PCDHA6: variants seen among roughly 807,000 people sequenced by gnomAD.
PCDHA6 encodes the protein protocadherin alpha 6.
In PCDHA6, 55 loss-of-function variants were observed where a neutral mutation model predicts 60.3. The ratio of observed to expected loss-of-function variants is 0.91; its 90% CI spans 0.73 to 1.14. PCDHA6 has a LOEUF of 1.14. Ranked by LOEUF, PCDHA6 falls within the 50% of genes most tolerant of loss-of-function variation. The pLI is 0.00. For synonymous variants in PCDHA6, 652 were observed against 557.9 expected, an observed-to-expected ratio of 1.17 and a Z score of -2.38; for missense variants, 1,327 against 1,256.5, an observed-to-expected ratio of 1.06 and a Z score of -0.85.
At position 140,856,186 on chromosome 5, in the gene PCDHA6, C is replaced by G. The variant is rs1451778566; in HGVS notation, c.2394+25701C>G. 97 of 1,598,138 alleles carry G rather than the reference C, an allele frequency of 6.1e-5. 9 individuals carry two copies. The highest frequency in any genetic ancestry group is 8.0e-5 in the Non-Finnish European group (94 of 1,167,930). Reference sequence around the variant, plus strand: ...CCAGACACGGCACCTTCGTGGGCCGCATCGCGCAGGACCTGGGGCTGGAGC... The same window carrying G: ...CCAGACACGGCACCTTCGTGGGCCGGATCGCGCAGGACCTGGGGCTGGAGC... On this transcript the variant is annotated intron_variant, in intron 1 of 3. Transcript: ENST00000529310.
chr5:140,971,857 T>G (rs1312639660), intron 1 of PCDHA6, among the ~76,000 whole-genome samples: 12 of 152,198 alleles, frequency 7.9e-5, no homozygotes, highest in African/African-American at 2.9e-4. Flanking sequence ...TAAATATTTG[T>G]TAACATCTAG....
intron 1 of PCDHA6, chr5:140,853,042 C>T (rs1417504758): frequency 3.7e-6 from 1 of 269,692 alleles, no homozygotes; most frequent in African/African-American, 2.3e-5. Flanking sequence ...CCATGCCCGC[C>T]TAATTTTTTT....
chr5:140,945,998 A>G (rs246057), intron 1 of PCDHA6, among the ~76,000 whole-genome samples: 85,388 of 151,608 alleles, frequency 0.56, 24,621 homozygotes, highest in African/African-American at 0.69. Context: ...GATTGCATCA[A>G]ACTAAAAAGC....
intron 1 of PCDHA6, chr5:140,841,148 C>G: frequency 1.3e-6 from 1 of 776,052 alleles, no homozygotes. Context: ...CATGATGTCG[C>G]TGTCTACCAA....
At position 140,946,611 on chromosome 5, in the gene PCDHA6, A is replaced by AATATATAT. The variant is rs1554217734; in HGVS notation, c.2395-32324_2395-32317dup. Among the ~76,000 whole-genome samples, 282 of 86,744 alleles carry AATATATAT rather than the reference A, an allele frequency of 3.3e-3. 10 individuals carry two copies. Among genetic ancestry groups the AATATATAT allele is most frequent in the African/African-American group, 0.015 (234 of 15,690 alleles). The allele number at this position is 86,744 out of a possible 152,430, so 56.9% of individuals were successfully genotyped here. A position where few individuals can be genotyped will look rare whatever the true frequency, so the allele number is the denominator to read the frequency against. Reference sequence around the variant, plus strand: ...GGATGAATAGATAAAGAAAATGTGAAATATATATATATATATATATACAAT... The same window carrying AATATATAT: ...GGATGAATAGATAAAGAAAATGTGAAATATATATATATATATATATATATATATACAAT... On this transcript the variant is annotated intron_variant, in intron 1 of 3. Coordinates refer to ENST00000529310, the MANE Select transcript of PCDHA6 (RefSeq NM_018909.4).
intron 1 of PCDHA6, among the ~76,000 whole-genome samples, chr5:140,975,946 A>T (rs989122714): frequency 6.6e-6 from 1 of 152,210 alleles, no homozygotes; most frequent in Non-Finnish European, 1.5e-5. Context: ...AATAGGACAT[A>T]TTAGAGTTCT....
chr5:140,861,631 C>T, intron 1 of PCDHA6: 1 of 315,060 alleles, frequency 3.2e-6, no homozygotes, highest in Non-Finnish European at 6.4e-6. Flanking sequence ...GTGTTCTCAG[C>T]AACACAAAAG....
intron 1 of PCDHA6, among the ~76,000 whole-genome samples, chr5:140,916,329 T>C (rs1554197398): frequency 6.6e-6 from 1 of 152,178 alleles, no homozygotes; most frequent in African/African-American, 2.4e-5. Context: ...TCCCCTTTAC[T>C]TTTTCCTCTG....
At chr5:140,982,679 C>A in intron 3 of PCDHA6, 116 bp downstream of exon 3, 2 of 1,436,546 alleles carry the variant, frequency 1.4e-6, no homozygotes, top group Non-Finnish European at 9.2e-7. Flanking sequence ...TTGTTATTCC[C>A]TTTTTTCCAT....
chr5:140,940,096 T>C (rs2153644801), intron 1 of PCDHA6, among the ~76,000 whole-genome samples: 1 of 152,378 alleles, frequency 6.6e-6, no homozygotes, highest in East Asian at 1.9e-4. Context: ...ATTGAAACTT[T>C]TAGCGTTATG....
chr5:140,995,388 A>G (rs1467282798), intron 3 of PCDHA6, among the ~76,000 whole-genome samples: 1 of 152,208 alleles, frequency 6.6e-6, no homozygotes. Flanking sequence ...GGCAGGATAA[A>G]GCGGGATGGC....
intron 1 of PCDHA6, chr5:140,870,984 G>T (rs1554164960): frequency 3.7e-6 from 6 of 1,613,520 alleles, no homozygotes; most frequent in Non-Finnish European, 8.5e-7. Context: ...GGCTGTACAC[G>T]GGCGAGATAA....
At chr5:140,867,383 G>T in intron 1 of PCDHA6, 1 of 152,136 alleles carries the variant, frequency 6.6e-6, no homozygotes, top group East Asian at 1.9e-4. Flanking sequence ...TGGAATTAAC[G>T]GTTATAAAAG....
chr5:140,840,060 C>A (rs2150302976), intron 1 of PCDHA6, among the ~76,000 whole-genome samples: 9 of 151,898 alleles, frequency 5.9e-5, no homozygotes, highest in Non-Finnish European at 1.3e-4. Flanking sequence ...AATGTCTTGA[C>A]AATTAGTCAA....
intron 1 of PCDHA6, chr5:140,966,883 T>A (rs155364): frequency 0.52 from 832,487 of 1,587,228 alleles, 220,297 homozygotes; most frequent in African/African-American, 0.71. Flanking sequence ...TACCTGGCCC[T>A]GCGGCCTCCC....
chr5:140,976,776 C>T (rs1554237952), intron 1 of PCDHA6, among the ~76,000 whole-genome samples: 1 of 152,184 alleles, frequency 6.6e-6, no homozygotes. Context: ...TAGACTCTGA[C>T]TATATAGCTA....
intron 1 of PCDHA6, among the ~76,000 whole-genome samples, chr5:140,943,822 A>T (rs2093570990): frequency 6.6e-6 from 1 of 152,220 alleles, no homozygotes; most frequent in Non-Finnish European, 1.5e-5. Context: ...GAAGAAAATG[A>T]GTTGATTGAA....
chr5:140,873,589 A>C (rs1562682260), intron 1 of PCDHA6, among the ~76,000 whole-genome samples: 1 of 152,272 alleles, frequency 6.6e-6, no homozygotes, highest in Non-Finnish European at 1.5e-5. Context: ...TATTAAGCTA[A>C]ACTTAGATGT....
intron 1 of PCDHA6, among the ~76,000 whole-genome samples, chr5:140,940,208 A>T (rs1193106137): frequency 6.6e-6 from 1 of 152,164 alleles, no homozygotes; most frequent in Non-Finnish European, 1.5e-5. Flanking sequence ...AAAATTCAAG[A>T]TTGGCATTTA....
Sources: gnomAD v4.1 joint callset for allele counts (sites outside exome capture counted in the v4.1 genomes callset) on GRCh38, gnomAD v4.1.1 for gene constraint, MANE v1.5 for transcripts, NCBI Gene and HGNC (gene_info 2026-07-23, HGNC 2026-07-21) for gene names.